The following SIPA1L3 variants were observed in gnomAD, a reference collection of about 807,000 sequenced individuals.
The protein encoded by SIPA1L3 is signal-induced proliferation-associated 1-like protein 3.
Under a neutral mutation model 150.1 loss-of-function variants are expected in SIPA1L3, and 59 were observed. The ratio of observed to expected loss-of-function variants is 0.39; its 90% confidence interval spans 0.32 to 0.49. The LOEUF is 0.49. Ranked by LOEUF, SIPA1L3 falls within the 20% of genes least tolerant of loss-of-function variation. The probability of loss-of-function intolerance (pLI) is 0.86; values close to 1 mark genes in which losing one functional copy is unlikely to be tolerated. For missense variants in SIPA1L3, 2,211 were observed against 2,489.5 expected (o/e 0.89, Z 2.38); for synonymous variants, 1,070 against 1,077.6 (o/e 0.99, Z 0.14).
chr19:38,133,654 C>T (rs1971366890), intron 10 of SIPA1L3, among the ~76,000 whole-genome samples: 1 of 152,138 alleles, frequency 6.6e-6, no homozygotes, highest in Non-Finnish European at 1.5e-5. Context: ...AGTGGGGAGG[C>T]AGGAGAGCAT....
chr19:38,171,893 C>A (rs1195524335), intron 15 of SIPA1L3, among the ~76,000 whole-genome samples: 1 of 152,072 alleles, frequency 6.6e-6, no homozygotes, highest in African/African-American at 2.4e-5. Flanking sequence ...CAGAGCAAGG[C>A]CCTGGAGGTA....
At chr19:37,977,231 C>G (rs912421164) in intron 1 of SIPA1L3, among the ~76,000 whole-genome samples, 3 of 152,102 alleles carry the variant, frequency 2.0e-5, no homozygotes, top group African/African-American at 7.2e-5. Context: ...GTGGTGTGGT[C>G]TTGGCACACT....
intron 1 of SIPA1L3, among the ~76,000 whole-genome samples, chr19:38,023,642 T>A (rs1191802437): frequency 1.3e-5 from 2 of 152,348 alleles, no homozygotes; most frequent in East Asian, 3.9e-4. Context: ...TAATCCCTGA[T>A]GCCACAGTGA....
Position 38,082,481 on chromosome 19 carries a change from A to G in SIPA1L3, c.916A>G (p.Arg306Gly), listed in dbSNP as rs1329619605. ...TVDSSIFRKL[R>G]SSKPEGEAGR... ...GGACTCGTCCATCTTTCGGAAGCTA[A>G]GGAGCAGCAAACCCGAGGGGGAGGC... The change falls in exon 3 of 22, where the codon AGG (arginine) becomes GGG (glycine). Residue 306 changes from arginine (R) to glycine (G), a missense_variant. By Grantham distance (125) the Arg-to-Gly change is moderately radical. Transcript: ENST00000222345. 1 of 1,592,506 alleles carries G rather than the reference A, an allele frequency of 6.3e-7. No individual in the cohort carries two copies.
At chr19:37,992,869 G>A (rs941854692) in intron 1 of SIPA1L3, among the ~76,000 whole-genome samples, 11 of 152,124 alleles carry the variant, frequency 7.2e-5, no homozygotes, top group African/African-American at 2.7e-4. Context: ...CAGGGCTTTG[G>A]GAGGCTCCAT....
At chr19:38,194,848 C>T (rs983441815) in intron 18 of SIPA1L3, among the ~76,000 whole-genome samples, 8 of 152,300 alleles carry the variant, frequency 5.3e-5, no homozygotes, top group South Asian at 2.1e-4. Context: ...GTCAGGAGTT[C>T]GAGACCAGCC....
chr19:38,161,370 A>G (rs988984444), intron 13 of SIPA1L3, among the ~76,000 whole-genome samples: 1 of 151,160 alleles, frequency 6.6e-6, no homozygotes, highest in Admixed American at 6.6e-5. Context: ...AACTATGTAC[A>G]TACAACCAAC....
intron 16 of SIPA1L3, among the ~76,000 whole-genome samples, chr19:38,188,183 G>T (rs1972729579): frequency 6.6e-6 from 1 of 151,100 alleles, no homozygotes; most frequent in Non-Finnish European, 1.5e-5. Context: ...TGTTGTTGTG[G>T]TGGTGGTGGT....
chr19:38,134,050 C>T (rs1971375127), intron 10 of SIPA1L3, among the ~76,000 whole-genome samples: 1 of 151,760 alleles, frequency 6.6e-6, no homozygotes, highest in Non-Finnish European at 1.5e-5. Context: ...GTGGCATGAT[C>T]TTAGCTCACT....
intron 2 of SIPA1L3, among the ~76,000 whole-genome samples, chr19:38,036,383 G>A (rs905169354): frequency 1.3e-4 from 20 of 152,202 alleles, no homozygotes; most frequent in Admixed American, 9.8e-4. Flanking sequence ...CTCCTTCCCC[G>A]TCCCCAGGGA....
intron 4 of SIPA1L3, among the ~76,000 whole-genome samples, chr19:38,093,127 G>A (rs891652291): frequency 2.0e-5 from 3 of 152,102 alleles, no homozygotes; most frequent in Admixed American, 6.6e-5. Flanking sequence ...CCAAAGTGCC[G>A]GGATTACAGG....
chr19:38,001,297 A>G (rs574172016), intron 1 of SIPA1L3, among the ~76,000 whole-genome samples: 1 of 152,076 alleles, frequency 6.6e-6, no homozygotes, highest in South Asian at 2.1e-4. Context: ...TGATCCCTCA[A>G]ACTCCATTCT....
rs59279280 is a variant in SIPA1L3 at position 37,973,534 on chromosome 19, C to CA, written c.-378-55535dup. ...ACAGGTGTGAGCCACTGTGCCTGGC[C>CA]AAAAAAAAAAAAAAAAAAAAGCGGG... is the stretch of plus-strand genomic sequence containing the variant. On this transcript the variant is annotated intron_variant, in intron 1 of 21. Coordinates refer to ENST00000222345, the MANE Select transcript of SIPA1L3 (RefSeq NM_015073.3). Among the ~76,000 whole-genome samples, 188 of 51,442 alleles carry CA rather than the reference C, an allele frequency of 3.7e-3. 2 individuals are homozygous for CA. Among genetic ancestry groups the CA allele is most frequent in the Non-Finnish European group, 4.9e-3 (144 of 29,642 alleles). 33.7% of individuals were successfully genotyped at this position (51,442 alleles called of 152,430 possible). A position where few individuals can be genotyped will look rare whatever the true frequency, so the allele number is the denominator to read the frequency against.
chr19:37,928,028 G>A (rs1599803299), intron 1 of SIPA1L3, among the ~76,000 whole-genome samples: 1 of 152,306 alleles, frequency 6.6e-6, no homozygotes, highest in Non-Finnish European at 1.5e-5. Flanking sequence ...GAACGTAGGA[G>A]TGCAGGTGTC....
intron 20 of SIPA1L3, among the ~76,000 whole-genome samples, chr19:38,203,463 C>T (rs780148442): frequency 8.6e-5 from 13 of 151,650 alleles, no homozygotes; most frequent in Admixed American, 6.5e-5. Flanking sequence ...AAGGGCTGCG[C>T]GTTCTCTGCA....
In SIPA1L3 at chr19:37,995,564, A is replaced by G. The variant is rs1167999661; in HGVS notation, c.-378-33525A>G. Among the ~76,000 whole-genome samples the G allele has an allele frequency of 2.0e-5, 3 of 152,158 alleles. 1 individual carries two copies. The highest frequency in any genetic ancestry group is 2.0e-4 in the Admixed American group (3 of 15,270). On this transcript the variant is annotated intron_variant, in intron 1 of 21. Coordinates refer to ENST00000222345, the MANE Select transcript of SIPA1L3 (RefSeq NM_015073.3). ...AGAGAAACTCGGCTTGGGCACCATC[A>G]GGGAGAACTGTGAAGAGGGGTGGTT...
chr19:37,973,071 AG>A (rs910065825), intron 1 of SIPA1L3, among the ~76,000 whole-genome samples: 61 of 151,974 alleles, frequency 4.0e-4, no homozygotes, highest in Non-Finnish European at 3.1e-4. Context: ...ATTAAAGGAA[AG>A]GGGGGAGGAT....
chr19:37,946,290 C>G (rs2046711200), intron 1 of SIPA1L3, among the ~76,000 whole-genome samples: 1 of 151,628 alleles, frequency 6.6e-6, no homozygotes, highest in Non-Finnish European at 1.5e-5. Flanking sequence ...CTTTCCCTCC[C>G]CACACTTTTT....
chr19:38,111,484 G>A (rs1417184897), intron 8 of SIPA1L3, among the ~76,000 whole-genome samples: 1 of 152,120 alleles, frequency 6.6e-6, no homozygotes, highest in African/African-American at 2.4e-5. Flanking sequence ...GTCTGATTGC[G>A]CCTGAGTCCA....
Sources: allele counts gnomAD v4.1 joint callset (sites outside exome capture counted in the v4.1 genomes callset), GRCh38; gene constraint gnomAD v4.1.1; transcripts MANE v1.5; gene names NCBI Gene and HGNC (gene_info 2026-07-23, HGNC 2026-07-21).